MAP6: variants seen among roughly 807,000 people sequenced by gnomAD.
MAP6 encodes microtubule associated protein 6.
Under a neutral mutation model 42.4 loss-of-function variants are expected in MAP6, and 26 were observed. The ratio of observed to expected loss-of-function variants is 0.61; its 90% confidence interval spans 0.45 to 0.85. The LOEUF (loss-of-function observed/expected upper bound fraction) is 0.85. Among genes scored for constraint, MAP6 ranks in the 40% least tolerant of loss-of-function variants. The probability of loss-of-function intolerance (pLI) is 0.00; values close to 1 mark genes in which losing one functional copy is unlikely to be tolerated. For missense variants in MAP6, 966 were observed against 1,099.0 expected, an observed-to-expected ratio of 0.88 and a Z score of 1.71; for synonymous variants, 418 against 443.8, an observed-to-expected ratio of 0.94 and a Z score of 0.73.
In MAP6 at chr11:75,593,737, G is replaced by A. The variant is rs1412882942; in HGVS notation, c.1317-5553C>T. ...GTGTGGGGCAGTGTGGAAAAGCCTT[G>A]AGGAAGAAAGACACTGAGCAATAAC... On this transcript the variant is annotated intron_variant, in intron 3 of 3. Transcript: ENST00000304771. Among the ~76,000 whole-genome samples the A allele has an allele frequency of 3.3e-5, 5 of 152,206 alleles. No individual in the cohort carries two copies. The East Asian group carries it at 9.6e-4, about 29-fold the overall frequency.
chr11:75,645,697 T>C (rs1437863530), intron 1 of MAP6, among the ~76,000 whole-genome samples: 1 of 151,860 alleles, frequency 6.6e-6, no homozygotes. Context: ...AAAGAAAACA[T>C]AGTGAAACAA....
At chr11:75,613,353 C>T (rs139525783) in intron 1 of MAP6, among the ~76,000 whole-genome samples, 1,902 of 152,162 alleles carry the variant, frequency 0.012, 42 homozygotes, top group African/African-American at 0.043. Context: ...AGCTTGTCTT[C>T]GTTTCCTTCA....
intron 1 of MAP6, among the ~76,000 whole-genome samples, chr11:75,620,271 A>G (rs1468222548): frequency 6.6e-6 from 1 of 152,222 alleles, no homozygotes; most frequent in Non-Finnish European, 1.5e-5. Context: ...GGAGTTTGAG[A>G]CCAGCCCGGC....
chr11:75,611,144 C>T (rs757500976), intron 1 of MAP6, among the ~76,000 whole-genome samples: 5 of 152,232 alleles, frequency 3.3e-5, no homozygotes, highest in Non-Finnish European at 7.3e-5. Flanking sequence ...TCCCTCCTTC[C>T]CTCTATCCTT....
rs1290669618 is a variant in MAP6, at chr11:75,587,570, G to T, written c.1931C>A (p.Pro644Gln). The T allele has an allele frequency of 6.2e-7, 1 of 1,614,070 alleles. No individual in the cohort carries two copies. The highest frequency in any genetic ancestry group is 2.2e-5 in the East Asian group (1 of 44,896). Reference protein sequence around the residue: ...APIKDQDPMVPEHPKDESAMA... With the variant: ...APIKDQDPMVQEHPKDESAMA... ...GGCACTTTCATCCTTCGGATGCTCTGGGACCATGGGATCTTGATCCTTGAT... is the reference window on the plus strand; with the variant it reads ...GGCACTTTCATCCTTCGGATGCTCTTGGACCATGGGATCTTGATCCTTGAT... Residue 644 changes from proline to glutamine, a missense_variant, in exon 4 of 4, where the codon CCA becomes CAA. Physicochemically the swap from Pro to Gln is moderately conservative, Grantham distance 76. Coordinates refer to ENST00000304771, the MANE Select transcript of MAP6 (RefSeq NM_033063.2).
chr11:75,646,486 A>C (rs1234668), intron 1 of MAP6, among the ~76,000 whole-genome samples: 21,876 of 136,850 alleles, frequency 0.16, 2,037 homozygotes, highest in African/African-American at 0.22. Flanking sequence ...ACATGGTGAA[A>C]ACCCATCTCT....
chr11:75,606,010 C>A lies in MAP6; in HGVS notation c.1120-6G>T. 1 of 1,612,456 alleles carries A rather than the reference C, an allele frequency of 6.2e-7. No homozygotes were observed. The highest frequency in any genetic ancestry group is 8.5e-7 in the Non-Finnish European group (1 of 1,179,778). Reference sequence around the variant, plus strand: ...TGAACACTAGGTTTTTCCACCTGTACGGAGAGACAGACCGCAAATACAGAA... The same window carrying A: ...TGAACACTAGGTTTTTCCACCTGTAAGGAGAGACAGACCGCAAATACAGAA... On this transcript the variant is annotated splice_polypyrimidine_tract_variant and splice_region_variant and intron_variant, in intron 2 of 3. Transcript: ENST00000304771.
Position 75,608,080 on chromosome 11 carries a change from C to T in MAP6, c.1119+29G>A, listed in dbSNP as rs1442300826. 3.1e-6 allele frequency: 5 copies of T among 1,606,776 alleles called. 1 individual carries two copies. In the South Asian group the frequency reaches 3.3e-5, roughly 11 times the overall value. ...GTTAACCCTTATGGTCCAGGCTGTG[C>T]TGATGGGTTCCCACAAGGTCTGTCT... On this transcript the variant is annotated intron_variant, in intron 2 of 3. Coordinates refer to ENST00000304771, the MANE Select transcript of MAP6 (RefSeq NM_033063.2).
chr11:75,653,929 G>A (rs781071877), intron 1 of MAP6, among the ~76,000 whole-genome samples: 4 of 152,196 alleles, frequency 2.6e-5, no homozygotes, highest in Admixed American at 1.3e-4. Flanking sequence ...TGCTTACTAC[G>A]GGCGAGGCAC....
chr11:75,608,458 C>A, intron 1 of MAP6, 136 bp from the exon 2 acceptor site: 1 of 702,414 alleles, frequency 1.4e-6, no homozygotes. Context: ...GAGGGTTAGC[C>A]TCACTCTTTC....
intron 3 of MAP6, chr11:75,603,325 C>T: frequency 1.0e-6 from 1 of 985,824 alleles, no homozygotes; most frequent in Non-Finnish European, 1.2e-6. Flanking sequence ...GAAGGCAACA[C>T]CCAAACACTG....
In MAP6 at chr11:75,588,087, TCAGAAGGCCTGGGACCACAGAA is replaced by T; in HGVS notation, c.1392_1413del (p.Ser465LysfsTer11). On this transcript the variant is annotated frameshift_variant, in exon 4 of 4. Transcript: ENST00000304771. LOFTEE classifies it low-confidence loss of function (END_TRUNC). ...TCTTGCACCATAGGACCTTGACCTTTCAGAAGGCCTGGGACCACAGAACCTTGATCCTTGTCTGGCTCTGTGG... is the reference window on the plus strand; with the variant it reads ...TCTTGCACCATAGGACCTTGACCTTTCCTTGATCCTTGTCTGGCTCTGTGG... 6.2e-7 allele frequency: 1 copy of T among 1,614,072 alleles called. No homozygotes were observed. Among genetic ancestry groups the T allele is most frequent in the Non-Finnish European group, 8.5e-7 (1 of 1,180,034 alleles).
intron 1 of MAP6, among the ~76,000 whole-genome samples, chr11:75,614,763 G>A (rs1318402095): frequency 1.3e-5 from 2 of 152,164 alleles, no homozygotes; most frequent in Non-Finnish European, 2.9e-5. Flanking sequence ...GGAGTAATTT[G>A]TTACAAGCAA....
chr11:75,629,068 G>A (rs932233697), intron 1 of MAP6, among the ~76,000 whole-genome samples: 5 of 152,076 alleles, frequency 3.3e-5, no homozygotes, highest in African/African-American at 7.2e-5. Flanking sequence ...TCACAAAGAC[G>A]AAAAGCCTGC....
intron 1 of MAP6, among the ~76,000 whole-genome samples, chr11:75,638,219 A>G (rs748047955): frequency 6.6e-6 from 1 of 152,206 alleles, no homozygotes; most frequent in African/African-American, 2.4e-5. Flanking sequence ...TACCACTCCC[A>G]GGAAGTGTCC....
Position 75,587,605 on chromosome 11 carries a change from G to A in MAP6, c.1896C>T (p.Val632=), listed in dbSNP as rs1384280869. 1.2e-6 allele frequency: 2 copies of A among 1,614,178 alleles called. No homozygotes were observed. Among genetic ancestry groups the A allele is most frequent in the Admixed American group, 1.7e-5 (1 of 60,028 alleles). Reference sequence around the variant, plus strand: ...GATCTTGATCCTTGATAGGTGCTGAGACCATGGGACCTTCATCCTTGACAG... The same window carrying A: ...GATCTTGATCCTTGATAGGTGCTGAAACCATGGGACCTTCATCCTTGACAG... ...PAPVKDEGPM[V]SAPIKDQDPM... The change falls in exon 4 of 4, where the codon GTC becomes GTT. Residue 632 remains valine, a synonymous_variant. Transcript: ENST00000304771.
chr11:75,653,678 A>T (rs989890285), intron 1 of MAP6, among the ~76,000 whole-genome samples: 4 of 152,252 alleles, frequency 2.6e-5, no homozygotes, highest in Non-Finnish European at 5.9e-5. Context: ...GCAAAGTGGC[A>T]AAAGCCAGGC....
intron 1 of MAP6, among the ~76,000 whole-genome samples, chr11:75,650,720 A>C (rs1943633027): frequency 6.6e-6 from 1 of 152,158 alleles, no homozygotes; most frequent in Non-Finnish European, 1.5e-5. Context: ...TGAAGGAGGA[A>C]ATTGAGGCTC....
chr11:75,642,222 A>C (rs989117851), intron 1 of MAP6, among the ~76,000 whole-genome samples: 1 of 152,172 alleles, frequency 6.6e-6, no homozygotes, highest in Non-Finnish European at 1.5e-5. Flanking sequence ...ATGTTGGCTG[A>C]CTGAAATTTG....
Sources: allele counts gnomAD v4.1 joint callset (sites outside exome capture counted in the v4.1 genomes callset), GRCh38; gene constraint gnomAD v4.1.1; transcripts MANE v1.5; gene names NCBI Gene and HGNC (gene_info 2026-07-23, HGNC 2026-07-21).